STOX2: variants seen among roughly 807,000 people sequenced by gnomAD.
The protein encoded by STOX2 is storkhead-box protein 2.
STOX2 carries 28 observed loss-of-function variants against 60.9 expected under a neutral mutation model. The ratio of observed to expected loss-of-function variants is 0.46; its 90% CI spans 0.34 to 0.63. The LOEUF (loss-of-function observed/expected upper bound fraction) is 0.63. STOX2 is among the 30% of genes least tolerant of loss of function. The probability of loss-of-function intolerance (pLI) is 0.01; values close to 1 mark genes in which losing one functional copy is unlikely to be tolerated. For synonymous variants in STOX2, 472 were observed against 463.9 expected (o/e 1.02, Z -0.22); for missense variants, 1,024 against 1,187.7 (o/e 0.86, Z 2.03).
rs34806465 is a variant in STOX2, at chr4:184,003,948, A to AT, written c.319+2482dup. 5.2e-3 allele frequency among the ~76,000 whole-genome samples: 775 copies of AT among 147,688 alleles called. 7 individuals are homozygous for AT. The highest frequency in any genetic ancestry group is 0.014 in the African/African-American group (574 of 40,122). On this transcript the variant is annotated intron_variant, in intron 2 of 3. Coordinates refer to ENST00000308497, the MANE Select transcript of STOX2 (RefSeq NM_020225.3). ...TCCTTTCCTTCCCTTCCTTCCTTTG[A>AT]TTTTTTTTTTTGTCTGTCTTTTACT...
At chr4:183,948,626 G>A (rs1244067817) in intron 1 of STOX2, among the ~76,000 whole-genome samples, 1 of 131,316 alleles carries the variant, frequency 7.6e-6, no homozygotes, top group Non-Finnish European at 1.6e-5. Context: ...CTGCCTCCCG[G>A]GTTCAAGCGA....
chr4:183,806,773 C>T lies in STOX2; in HGVS notation c.364+8718C>T, dbSNP rs74736001. Among the ~76,000 whole-genome samples, 2,344 of 152,214 alleles carry T rather than the reference C, an allele frequency of 0.015. 58 individuals are homozygous for T. The highest frequency in any genetic ancestry group is 0.053 in the African/African-American group (2,219 of 41,522). ...TGCCTTTCTACTTCTAAATAAGGTC[C>T]GCCGCCGTCCAAATTTTGAGGAAAC... On this transcript the variant is annotated intron_variant, in intron 1 of 2. Transcript: ENST00000513034. This position sits in a 1 kb window ranked among gnomAD's most constrained non-coding sequence, Gnocchi z 4.1.
intron 1 of STOX2, among the ~76,000 whole-genome samples, chr4:183,813,382 C>T (rs930920117): frequency 2.6e-5 from 4 of 151,394 alleles, no homozygotes; most frequent in Non-Finnish European, 4.4e-5. Flanking sequence ...GACCCTGTCT[C>T]AAAAAGAAAA....
chr4:183,873,446 CAAAAA>C (rs11453864), intron 1 of STOX2, among the ~76,000 whole-genome samples: 1 of 112,260 alleles, frequency 8.9e-6, no homozygotes, highest in Non-Finnish European at 1.8e-5. Flanking sequence ...AACTCTGTCT[CAAAAA>C]AAAAAAAAAA....
chr4:183,873,762 G>A (rs1740749855), intron 1 of STOX2, among the ~76,000 whole-genome samples: 1 of 152,184 alleles, frequency 6.6e-6, no homozygotes, highest in Non-Finnish European at 1.5e-5. Context: ...ACCATTATGT[G>A]TGTGCTTCTC....
At chr4:183,901,958 T>C (rs1194604896), upstream of STOX2, among the ~76,000 whole-genome samples, 1 of 152,236 alleles carries the variant, frequency 6.6e-6, no homozygotes, top group East Asian at 1.9e-4. Flanking sequence ...TTTCTGTTTT[T>C]TCTTTTGTGG....
At chr4:184,000,325 C>A (rs868721680) in intron 1 of STOX2, among the ~76,000 whole-genome samples, 1 of 152,144 alleles carries the variant, frequency 6.6e-6, no homozygotes, top group African/African-American at 2.4e-5. Context: ...CAAGAGTCAC[C>A]GTCCATCACC....
chr4:183,807,166 G>A (rs1036029153), intron 1 of STOX2, among the ~76,000 whole-genome samples: 5 of 152,038 alleles, frequency 3.3e-5, no homozygotes, highest in African/African-American at 1.2e-4. Flanking sequence ...TAGAGACGGG[G>A]TTTCACCGCG....
intron 1 of STOX2, among the ~76,000 whole-genome samples, chr4:183,916,631 G>A (rs530628982): frequency 9.2e-5 from 14 of 152,206 alleles, no homozygotes; most frequent in African/African-American, 2.4e-4. Flanking sequence ...TTGCACCAAC[G>A]TAATATTAAA....
intron 1 of STOX2, among the ~76,000 whole-genome samples, chr4:183,896,806 T>A (rs1741349551): frequency 6.6e-6 from 1 of 152,252 alleles, no homozygotes; most frequent in African/African-American, 2.4e-5. Flanking sequence ...CAAAATACTT[T>A]AAGGAGGTGT....
intron 1 of STOX2, among the ~76,000 whole-genome samples, chr4:183,811,928 ATTTT>A (rs529589265): frequency 1.7e-4 from 22 of 129,700 alleles, no homozygotes; most frequent in African/African-American, 6.2e-4. Flanking sequence ...GAAAGCCTGG[ATTTT>A]TTTTTTTTTT....
In STOX2 at chr4:183,957,578, G is replaced by A. The variant is rs1362042986; in HGVS notation, c.167-43747G>A. 1.1e-4 allele frequency among the ~76,000 whole-genome samples: 16 copies of A among 152,186 alleles called. No homozygotes were observed. In the South Asian group the frequency reaches 3.1e-3, roughly 30 times the overall value. On this transcript the variant is annotated intron_variant, in intron 1 of 3. Coordinates refer to ENST00000308497, the MANE Select transcript of STOX2 (RefSeq NM_020225.3). ...CTCATGGATTTCTTTTTATTCAGTG[G>A]GTTATAGTCTTTTGCAGGCATGGTA...
At chr4:183,926,973 G>C (rs1354728334) in intron 1 of STOX2, among the ~76,000 whole-genome samples, 5 of 152,152 alleles carry the variant, frequency 3.3e-5, no homozygotes, top group Admixed American at 2.0e-4. Flanking sequence ...GATGGAAACT[G>C]GGCAAAAGTA....
chr4:184,001,887 T>C lies in STOX2; in HGVS notation c.319+410T>C, dbSNP rs1403255260. Among the ~76,000 whole-genome samples, 1 of 152,246 alleles carries C rather than the reference T, an allele frequency of 6.6e-6. No individual in the cohort carries two copies. The highest frequency in any genetic ancestry group is 2.4e-5 in the African/African-American group (1 of 41,464). On this transcript the variant is annotated intron_variant, in intron 2 of 3. Transcript: ENST00000308497. The surrounding 1 kb of genome is among the most constrained non-coding windows in gnomAD (Gnocchi z 4.2). ...TAACATATCTTACATATTTGTATCATGGCTTGATGAGTTTTAAGAAAATAA... is the reference window on the plus strand; with the variant it reads ...TAACATATCTTACATATTTGTATCACGGCTTGATGAGTTTTAAGAAAATAA...
intron 1 of STOX2, among the ~76,000 whole-genome samples, chr4:183,872,760 C>T (rs575778862): frequency 6.6e-5 from 10 of 152,220 alleles, no homozygotes; most frequent in Non-Finnish European, 1.2e-4. Context: ...CTCTGGTCCT[C>T]CTAACTCATT....
chr4:184,014,724 A>ATACATT (rs1251455959), intron 3 of STOX2: 1 of 152,206 alleles, frequency 6.6e-6, no homozygotes, highest in Non-Finnish European at 1.5e-5. Flanking sequence ...CAATAATGAA[A>ATACATT]TACATTCTTT....
chr4:183,870,097 A>G (rs1166949582), intron 1 of STOX2, among the ~76,000 whole-genome samples: 1 of 152,230 alleles, frequency 6.6e-6, no homozygotes, highest in East Asian at 1.9e-4. Flanking sequence ...AGTACTTACG[A>G]TGAAATGAAG....
In STOX2 at chr4:184,020,627, T is replaced by A. The variant is rs188637740; in HGVS notation, c.*3343T>A. 7.9e-5 allele frequency: 12 copies of A among 151,398 alleles called. 1 individual carries two copies. Among genetic ancestry groups the A allele is most frequent in the Admixed American group, 5.3e-4 (8 of 15,208 alleles). The allele number at this position is 151,398 out of a possible 1,614,324, so 9.4% of individuals were successfully genotyped here. A position where few individuals can be genotyped will look rare whatever the true frequency, so the allele number is the denominator to read the frequency against. Reference sequence around the variant, plus strand: ...ATTCCACAACTTCTGTTAAATAATTTGTATTCCATTATATATATTTTGCAC... The same window carrying A: ...ATTCCACAACTTCTGTTAAATAATTAGTATTCCATTATATATATTTTGCAC... On this transcript the variant is annotated 3_prime_UTR_variant, in exon 4 of 4. Transcript: ENST00000308497.
intron 1 of STOX2, among the ~76,000 whole-genome samples, chr4:183,947,059 C>T (rs547919042): frequency 6.9e-5 from 9 of 130,044 alleles, no homozygotes; most frequent in East Asian, 4.8e-4. Context: ...CTGGACCATC[C>T]GTGGATTTCG....
Sources: gnomAD v4.1 joint callset for allele counts (sites outside exome capture counted in the v4.1 genomes callset) on GRCh38, gnomAD v4.1.1 for gene constraint, Gnocchi (gnomAD v3.1) non-coding constraint, MANE v1.5 for transcripts, NCBI Gene and HGNC (gene_info 2026-07-23, HGNC 2026-07-21) for gene names.